PCDH15: variants seen among roughly 807,000 people sequenced by gnomAD.
PCDH15 encodes protocadherin-15.
In PCDH15, 129 loss-of-function variants were observed where a neutral mutation model predicts 178.5. The observed-to-expected ratio is 0.72, with a 90% confidence interval of 0.63 to 0.84. The LOEUF (loss-of-function observed/expected upper bound fraction) is 0.84, where lower values mean the gene tolerates loss of function less well. PCDH15 is among the 40% of genes least tolerant of loss of function. PCDH15 has a pLI of 0.00. For synonymous variants in PCDH15, 800 were observed against 732.0 expected (o/e 1.09, Z -1.50); for missense variants, 2,230 against 2,099.9 (o/e 1.06, Z -1.21).
At chr10:55,048,112 T>A (rs1423794657) in intron 2 of PCDH15, among the ~76,000 whole-genome samples, 2 of 151,980 alleles carry the variant, frequency 1.3e-5, no homozygotes, top group East Asian at 1.9e-4. Flanking sequence ...ACTTCTTATA[T>A]GTTTAAGAAA....
intron 28 of PCDH15, among the ~76,000 whole-genome samples, chr10:53,846,542 T>G (rs374703667): frequency 6.6e-6 from 1 of 151,974 alleles, no homozygotes; most frequent in African/African-American, 2.4e-5. Context: ...TTTTTTTTCC[T>G]ATGCAGATAG....
At chr10:55,224,490 C>T (rs1264179334) in intron 1 of PCDH15, among the ~76,000 whole-genome samples, 2 of 151,970 alleles carry the variant, frequency 1.3e-5, no homozygotes, top group African/African-American at 4.8e-5. Flanking sequence ...TCCAGGCGAC[C>T]CTGCTCCTTA....
At chr10:55,075,937 T>C (rs1841875861) in intron 2 of PCDH15, among the ~76,000 whole-genome samples, 1 of 152,164 alleles carries the variant, frequency 6.6e-6, no homozygotes, top group Non-Finnish European at 1.5e-5. Context: ...GGTGGCATTA[T>C]CATTTTCATT....
chr10:54,265,178 A>T (rs1356495261), intron 8 of PCDH15, among the ~76,000 whole-genome samples: 4 of 152,146 alleles, frequency 2.6e-5, no homozygotes, highest in Non-Finnish European at 5.9e-5. Context: ...TCATAAACGA[A>T]AGAGAAATGG....
At chr10:54,495,035 T>C (rs2079983413) in intron 3 of PCDH15, among the ~76,000 whole-genome samples, 1 of 152,238 alleles carries the variant, frequency 6.6e-6, no homozygotes, top group East Asian at 1.9e-4. Context: ...TTGATACAGA[T>C]AATATTTTGT....
At chr10:54,513,971 T>A (rs192059231) in intron 3 of PCDH15, among the ~76,000 whole-genome samples, 1 of 152,352 alleles carries the variant, frequency 6.6e-6, no homozygotes, top group Admixed American at 6.5e-5. Context: ...CTTGCATGTT[T>A]ACCTTCCATC....
In PCDH15 at chr10:54,923,116, G is replaced by A. The variant is rs750052065; in HGVS notation, c.-79-25616C>T. On this transcript the variant is annotated intron_variant, in intron 2 of 5. Coordinates refer to the PCDH15 transcript ENST00000458638. ...TCCACATGCCTGCAGGCCCAACCAC[G>A]TGGAAGCTGCCCAGGCTTGAGGATT... 7.9e-5 allele frequency among the ~76,000 whole-genome samples: 11 copies of A among 139,236 alleles called. 2 individuals are homozygous for A. The highest frequency in any genetic ancestry group is 2.3e-4 in the South Asian group (1 of 4,440). 91.3% of individuals were successfully genotyped at this position (139,236 alleles called of 152,430 possible).
chr10:54,337,789 C>G (rs1032275666), intron 6 of PCDH15, among the ~76,000 whole-genome samples: 43 of 152,208 alleles, frequency 2.8e-4, no homozygotes, highest in East Asian at 9.7e-4. Context: ...TCTGTTTTGA[C>G]CAATCAGAAT....
At chr10:55,347,357 T>C (rs1244955211) in intron 2 of PCDH15, among the ~76,000 whole-genome samples, 1 of 152,160 alleles carries the variant, frequency 6.6e-6, no homozygotes, top group Non-Finnish European at 1.5e-5. Flanking sequence ...GAACTGTTGG[T>C]TTTTACTTCA....
chr10:53,975,931 C>CA (rs1360281281), intron 21 of PCDH15, among the ~76,000 whole-genome samples: 1 of 151,926 alleles, frequency 6.6e-6, no homozygotes, highest in Non-Finnish European at 1.5e-5. Flanking sequence ...TTATTCATAT[C>CA]AAAAAAATTT....
chr10:55,233,175 A>T (rs1305275183), intron 1 of PCDH15, among the ~76,000 whole-genome samples: 1 of 152,128 alleles, frequency 6.6e-6, no homozygotes, highest in Non-Finnish European at 1.5e-5. Flanking sequence ...TTGTTTTGAC[A>T]TGATGGAGAT....
At chr10:54,187,259 T>A (rs990533264) in intron 11 of PCDH15, among the ~76,000 whole-genome samples, 2 of 151,978 alleles carry the variant, frequency 1.3e-5, no homozygotes, top group African/African-American at 4.8e-5. Context: ...CAATTTATTT[T>A]CTTCCTTTCA....
In PCDH15 at chr10:54,102,367, T is replaced by C. The variant is rs145937469; in HGVS notation, c.1918-12304A>G. 9.3e-4 allele frequency among the ~76,000 whole-genome samples: 142 copies of C among 152,340 alleles called. 1 individual carries two copies. Among genetic ancestry groups the C allele is most frequent in the African/African-American group, 2.8e-3 (118 of 41,590 alleles). Reference sequence around the variant, plus strand: ...AATGGAGAAAAAGGCATTTGCCAAGTCAATGGCTGTATATCAGGTACCAGG... The same window carrying C: ...AATGGAGAAAAAGGCATTTGCCAAGCCAATGGCTGTATATCAGGTACCAGG... On this transcript the variant is annotated intron_variant, in intron 15 of 37. Coordinates refer to ENST00000644397, the MANE Select transcript of PCDH15 (RefSeq NM_001384140.1).
At chr10:53,861,196 A>G (rs926004767) in intron 27 of PCDH15, among the ~76,000 whole-genome samples, 25 of 152,174 alleles carry the variant, frequency 1.6e-4, no homozygotes, top group Non-Finnish European at 3.1e-4. Flanking sequence ...CTTTTCCAGT[A>G]TAGCTTCTGC....
intron 1 of PCDH15, among the ~76,000 whole-genome samples, chr10:55,183,715 T>C (rs1484947871): frequency 6.6e-6 from 1 of 151,660 alleles, no homozygotes; most frequent in Non-Finnish European, 1.5e-5. Context: ...GTTTATGCTA[T>C]CAGATGAATG....
chr10:54,032,613 G>T (rs2135433850), intron 18 of PCDH15, among the ~76,000 whole-genome samples: 1 of 152,038 alleles, frequency 6.6e-6, no homozygotes, highest in East Asian at 1.9e-4. Context: ...TTTATTAGAA[G>T]AAATATAAGA....
At chr10:54,919,176 CT>C (rs1324458787) in intron 2 of PCDH15, among the ~76,000 whole-genome samples, 2 of 152,090 alleles carry the variant, frequency 1.3e-5, no homozygotes, top group African/African-American at 4.8e-5. Context: ...CTTGAATACT[CT>C]TTTTTTGGAT....
intron 8 of PCDH15, among the ~76,000 whole-genome samples, chr10:54,268,424 G>T (rs1288968244): frequency 6.6e-6 from 1 of 151,816 alleles, no homozygotes; most frequent in Admixed American, 6.6e-5. Flanking sequence ...AAATTGACAA[G>T]TGAGACCAAA....
chr10:55,514,872 T>A (rs886309259), intron 2 of PCDH15, among the ~76,000 whole-genome samples: 4 of 151,920 alleles, frequency 2.6e-5, no homozygotes, highest in Non-Finnish European at 4.4e-5. Context: ...AGAGAGATTG[T>A]ACTTTCTACT....
Sources: allele counts gnomAD v4.1 joint callset (sites outside exome capture counted in the v4.1 genomes callset), GRCh38; gene constraint gnomAD v4.1.1; transcripts MANE v1.5; gene names NCBI Gene and HGNC (gene_info 2026-07-23, HGNC 2026-07-21).